PRKG1: variants seen among roughly 807,000 people sequenced by gnomAD.
The protein encoded by PRKG1 is protein kinase cGMP-dependent 1.
Under a neutral mutation model 88.1 loss-of-function variants are expected in PRKG1, and 35 were observed. That is an observed-to-expected ratio of 0.40 (90% CI 0.30 to 0.53). The LOEUF is 0.53. Ranked by LOEUF, PRKG1 falls within the 20% of genes least tolerant of loss-of-function variation. PRKG1 has a pLI of 0.59. For missense variants in PRKG1, 540 were observed against 839.8 expected (o/e 0.64, Z 4.41); for synonymous variants, 303 against 292.5 (o/e 1.04, Z -0.37).
intron 3 of PRKG1, among the ~76,000 whole-genome samples, chr10:51,766,818 G>A (rs1564638614): frequency 6.6e-6 from 1 of 152,096 alleles, no homozygotes; most frequent in Non-Finnish European, 1.5e-5. Flanking sequence ...GAGGAGTTGA[G>A]TGTGGAAAAA....
chr10:51,605,076 G>T (rs1838725721), intron 3 of PRKG1, among the ~76,000 whole-genome samples: 2 of 152,136 alleles, frequency 1.3e-5, no homozygotes, highest in Admixed American at 1.3e-4. Context: ...TCCTCCCCTG[G>T]AGTCGGGCCG....
At chr10:51,757,326 A>G (rs1039997468) in intron 3 of PRKG1, among the ~76,000 whole-genome samples, 1 of 151,810 alleles carries the variant, frequency 6.6e-6, no homozygotes, top group Non-Finnish European at 1.5e-5. Context: ...CTAGTCTCGA[A>G]CTCCTGACCT....
At chr10:51,736,490 G>T (rs1439626398) in intron 3 of PRKG1, among the ~76,000 whole-genome samples, 1 of 152,064 alleles carries the variant, frequency 6.6e-6, no homozygotes, top group Non-Finnish European at 1.5e-5. Flanking sequence ...AAAGTTGAGA[G>T]AAGTTTAGAG....
chr10:51,825,430 G>GT (rs1484056627), intron 4 of PRKG1, among the ~76,000 whole-genome samples: 4 of 152,112 alleles, frequency 2.6e-5, no homozygotes, highest in South Asian at 2.1e-4. Flanking sequence ...AGTACAGTAG[G>GT]TGTTCCAAAT....
intron 2 of PRKG1, among the ~76,000 whole-genome samples, chr10:51,253,458 G>A (rs1839477067): frequency 1.3e-5 from 2 of 151,816 alleles, no homozygotes; most frequent in South Asian, 4.1e-4. Flanking sequence ...CCCCCCAATA[G>A]ACATCCCCTT....
chr10:51,252,808 A>G (rs757097173), intron 2 of PRKG1, among the ~76,000 whole-genome samples: 2 of 151,866 alleles, frequency 1.3e-5, no homozygotes, highest in African/African-American at 2.4e-5. Flanking sequence ...CTTCAAGGTT[A>G]AAAAGAAAAC....
intron 4 of PRKG1, among the ~76,000 whole-genome samples, chr10:51,878,916 A>G (rs971832148): frequency 6.6e-6 from 1 of 152,200 alleles, no homozygotes; most frequent in Admixed American, 6.5e-5. Context: ...TTATTTAAGA[A>G]CCAGACCTCT....
intron 7 of PRKG1, among the ~76,000 whole-genome samples, chr10:52,072,034 C>T (rs767782989): frequency 1.3e-5 from 2 of 152,002 alleles, no homozygotes; most frequent in Non-Finnish European, 2.9e-5. Context: ...TCGCCCTCTC[C>T]CGTGGGGCCA....
intron 1 of PRKG1, among the ~76,000 whole-genome samples, chr10:51,149,921 G>T (rs1846027809): frequency 1.3e-5 from 2 of 152,034 alleles, no homozygotes; most frequent in Non-Finnish European, 2.9e-5. Flanking sequence ...ATTATATATA[G>T]CTAATATTTC....
chr10:51,419,401 T>C (rs1012723628), intron 2 of PRKG1, among the ~76,000 whole-genome samples: 1 of 152,134 alleles, frequency 6.6e-6, no homozygotes, highest in Non-Finnish European at 1.5e-5. Context: ...GCAACCTCCA[T>C]GGATAAAGAA....
intron 3 of PRKG1, among the ~76,000 whole-genome samples, chr10:51,481,250 C>T (rs1230745253): frequency 7.7e-6 from 1 of 130,510 alleles, no homozygotes; most frequent in Non-Finnish European, 1.6e-5. Context: ...CTCTCTCTGT[C>T]TCTTTCTGTC....
intron 3 of PRKG1, among the ~76,000 whole-genome samples, chr10:51,617,005 G>T (rs1839075512): frequency 6.6e-6 from 1 of 152,140 alleles, no homozygotes; most frequent in Non-Finnish European, 1.5e-5. Flanking sequence ...GTGCCTTGGT[G>T]TAGCAGCTTA....
rs548030322 is a variant in PRKG1, at chr10:52,086,000, C to A, written c.935+23369C>A. Reference sequence around the variant, plus strand: ...GTCAAAGTACTGGGTTCACATGTTACCTGAATTACTTTTTTTCTCCCTTTT... The same window carrying A: ...GTCAAAGTACTGGGTTCACATGTTAACTGAATTACTTTTTTTCTCCCTTTT... On this transcript the variant is annotated intron_variant, in intron 7 of 17. Transcript: ENST00000373980. Among the ~76,000 whole-genome samples the A allele has an allele frequency of 1.3e-3, 201 of 152,126 alleles. 1 individual carries two copies. The highest frequency in any genetic ancestry group is 4.7e-3 in the African/African-American group (196 of 41,506).
At chr10:52,015,539 T>C (rs559303188) in intron 5 of PRKG1, among the ~76,000 whole-genome samples, 1 of 152,314 alleles carries the variant, frequency 6.6e-6, no homozygotes, top group Non-Finnish European at 1.5e-5. Flanking sequence ...TTTTTTCCAT[T>C]GTCTTGGCTA....
At chr10:51,165,655 C>T (rs1394923926) in intron 2 of PRKG1, among the ~76,000 whole-genome samples, 1 of 152,068 alleles carries the variant, frequency 6.6e-6, no homozygotes, top group Non-Finnish European at 1.5e-5. Flanking sequence ...AAACCCATCT[C>T]ACGTGCAGTG....
At chr10:51,609,075 A>G (rs1462422925) in intron 3 of PRKG1, among the ~76,000 whole-genome samples, 1 of 151,688 alleles carries the variant, frequency 6.6e-6, no homozygotes, top group Non-Finnish European at 1.5e-5. Context: ...TTAGTTTATT[A>G]TTTTTTTCTT....
chr10:52,166,686 T>C (rs1196423974), intron 9 of PRKG1, among the ~76,000 whole-genome samples: 3 of 131,884 alleles, frequency 2.3e-5, no homozygotes, highest in African/African-American at 7.5e-5. Flanking sequence ...TTAAATACTT[T>C]GTTAAATATT....
chr10:52,082,402 T>C (rs1846800958), intron 7 of PRKG1, among the ~76,000 whole-genome samples: 1 of 152,084 alleles, frequency 6.6e-6, no homozygotes, highest in South Asian at 2.1e-4. Flanking sequence ...TGCTTAAACA[T>C]GTTTAACAGC....
intron 2 of PRKG1, among the ~76,000 whole-genome samples, chr10:51,402,742 A>C (rs1161475093): frequency 6.6e-6 from 1 of 152,152 alleles, no homozygotes; most frequent in Non-Finnish European, 1.5e-5. Flanking sequence ...CTATTAGAAG[A>C]AAAACTAAAG....
Sources: gnomAD v4.1 joint callset for allele counts (sites outside exome capture counted in the v4.1 genomes callset) on GRCh38, gnomAD v4.1.1 for gene constraint, MANE v1.5 for transcripts, NCBI Gene and HGNC (gene_info 2026-07-23, HGNC 2026-07-21) for gene names.